The following NT5E variants were observed in gnomAD, a reference collection of about 807,000 sequenced individuals.
NT5E encodes 5'-nucleotidase.
NT5E carries 53 observed loss-of-function variants against 55.1 expected under a neutral mutation model. The observed-to-expected ratio is 0.96, with a 90% CI of 0.77 to 1.21. The LOEUF is 1.21. Ranked by LOEUF, NT5E falls within the 50% of genes most tolerant of loss-of-function variation. The probability of loss-of-function intolerance (pLI) is 0.00; values close to 1 mark genes in which losing one functional copy is unlikely to be tolerated. For missense variants in NT5E, 683 were observed against 724.3 expected (o/e 0.94, Z 0.65); for synonymous variants, 270 against 278.4 (o/e 0.97, Z 0.30).
rs752347352 is a variant in NT5E, at chr6:85,471,464, A to G, written c.751+39A>G. 16 of 1,573,336 alleles carry G rather than the reference A, an allele frequency of 1.0e-5. No individual in the cohort carries two copies. In the Admixed American group the frequency reaches 2.4e-4, roughly 23 times the overall value. ...AAGGATTGCATGGGCCAGGATGTCC[A>G]GATAAGCACTGTGTCTCTTTTGCCT... On this transcript the variant is annotated intron_variant, in intron 3 of 8. Transcript: ENST00000257770.
intron 1 of NT5E, among the ~76,000 whole-genome samples, chr6:85,457,125 A>G (rs1373614002): frequency 1.3e-5 from 2 of 152,188 alleles, no homozygotes; most frequent in Admixed American, 1.3e-4. Context: ...GCTTCCACAC[A>G]GAGGCTGGAT....
chr6:85,474,880 G>T (rs1425654885), intron 3 of NT5E, among the ~76,000 whole-genome samples: 1 of 152,182 alleles, frequency 6.6e-6, no homozygotes, highest in Non-Finnish European at 1.5e-5. Context: ...GATGCAGTGA[G>T]CTATGATCAC....
At chr6:85,468,359 C>A (rs1050664195) in intron 2 of NT5E, among the ~76,000 whole-genome samples, 1 of 152,052 alleles carries the variant, frequency 6.6e-6, no homozygotes, top group Non-Finnish European at 1.5e-5. Context: ...GCTAAAGAAC[C>A]CCCCAACCCC....
intron 2 of NT5E, among the ~76,000 whole-genome samples, chr6:85,468,983 G>A (rs959598674): frequency 2.6e-5 from 4 of 152,216 alleles, no homozygotes; most frequent in Admixed American, 2.6e-4. Flanking sequence ...GTTTCCAGGA[G>A]CACTGCTTCT....
chr6:85,460,061 A>C (rs1769064372), intron 1 of NT5E, among the ~76,000 whole-genome samples: 1 of 152,236 alleles, frequency 6.6e-6, no homozygotes, highest in South Asian at 2.1e-4. Context: ...AAATTACTTC[A>C]GGTAATTATG....
rs1412792096 is a variant in NT5E at position 85,492,095 on chromosome 6, T to C, written c.1479T>C (p.Tyr493=). Residue 493 remains tyrosine (Y), a synonymous_variant, in exon 8 of 9, where the codon TAT becomes TAC. Transcript: ENST00000257770. ...ACCCTCTCAAAATGGACGAGGTATA[T>C]AAGGTGATCCTCCCAAACTTCCTGG... ...SYDPLKMDEV[Y]KVILPNFLAN... is the part of the protein sequence containing the mutation. 1.9e-6 allele frequency: 3 copies of C among 1,614,166 alleles called. No individual in the cohort carries two copies. The highest frequency in any genetic ancestry group is 1.7e-5 in the Admixed American group (1 of 60,016).
intron 1 of NT5E, among the ~76,000 whole-genome samples, chr6:85,456,912 G>A (rs1342949427): frequency 2.0e-5 from 3 of 152,204 alleles, no homozygotes; most frequent in African/African-American, 7.2e-5. Context: ...TGTGAGGTAT[G>A]TGATTGTTGT....
Position 85,456,401 on chromosome 6 carries a change from G to C in NT5E, c.339+5923G>C, listed in dbSNP as rs187117586. 3.1e-4 allele frequency among the ~76,000 whole-genome samples: 47 copies of C among 152,312 alleles called. No individual in the cohort carries two copies. The East Asian group carries it at 8.1e-3, about 26-fold the overall frequency. On this transcript the variant is annotated intron_variant, in intron 1 of 8. Coordinates refer to ENST00000257770, the MANE Select transcript of NT5E (RefSeq NM_002526.4). ...GGGAACCTCCAATTTATAACTAGTT[G>C]GTTGGGAATACAGGTGGCCCAGGAC... is the stretch of plus-strand genomic sequence containing the variant.
At chr6:85,491,074 A>G (rs764440984) in intron 7 of NT5E, 1 of 531,046 alleles carries the variant, frequency 1.9e-6, no homozygotes, top group Non-Finnish European at 3.9e-6. Context: ...AACCAGGATG[A>G]TTCCTGGAAG....
intron 7 of NT5E, among the ~76,000 whole-genome samples, chr6:85,490,862 G>A (rs1474903363): frequency 6.6e-6 from 1 of 152,186 alleles, no homozygotes; most frequent in Non-Finnish European, 1.5e-5. Flanking sequence ...AAGCCCCAAA[G>A]CCCTGGCAAT....
intron 1 of NT5E, among the ~76,000 whole-genome samples, chr6:85,453,789 C>T (rs1045134564): frequency 6.6e-6 from 1 of 152,212 alleles, no homozygotes; most frequent in Non-Finnish European, 1.5e-5. Flanking sequence ...ATGGCCCCCG[C>T]CTTTAACTCA....
chr6:85,451,868 C>T (rs1002402653), intron 1 of NT5E, among the ~76,000 whole-genome samples: 2 of 152,164 alleles, frequency 1.3e-5, no homozygotes, highest in East Asian at 3.9e-4. Flanking sequence ...TTTTAAAGGT[C>T]CCTCCCCAAC....
At chr6:85,474,858 G>A (rs1769393947) in intron 3 of NT5E, among the ~76,000 whole-genome samples, 2 of 152,096 alleles carry the variant, frequency 1.3e-5, no homozygotes, top group Non-Finnish European at 2.9e-5. Context: ...TGCTTGAATC[G>A]GGGAGGTTGA....
At chr6:85,477,385 C>CA (rs1769459287) in intron 3 of NT5E, among the ~76,000 whole-genome samples, 2 of 152,068 alleles carry the variant, frequency 1.3e-5, no homozygotes, top group South Asian at 4.2e-4. Context: ...TGGATTTAGG[C>CA]ACACATATTG....
chr6:85,454,900 A>G (rs2127753823), intron 1 of NT5E, among the ~76,000 whole-genome samples: 1 of 152,302 alleles, frequency 6.6e-6, no homozygotes, highest in East Asian at 1.9e-4. Context: ...GAGGTCCCAT[A>G]CATATTTGAA....
At chr6:85,477,928 G>A (rs1163911030) in intron 3 of NT5E, among the ~76,000 whole-genome samples, 1 of 151,830 alleles carries the variant, frequency 6.6e-6, no homozygotes, top group Non-Finnish European at 1.5e-5. Flanking sequence ...TTGGGAGGCT[G>A]AGGCAGGAGC....
At chr6:85,481,499 G>A (rs1769550860) in intron 3 of NT5E, among the ~76,000 whole-genome samples, 3 of 152,202 alleles carry the variant, frequency 2.0e-5, no homozygotes, top group Admixed American at 2.0e-4. Flanking sequence ...TTCACTTGCT[G>A]CATTAACTTC....
At chr6:85,485,083 C>A (rs192434218) in intron 3 of NT5E, 152 bp from the exon 4 acceptor site, 3 of 735,380 alleles carry the variant, frequency 4.1e-6, no homozygotes, top group Non-Finnish European at 7.0e-6. Flanking sequence ...TGGGCAAATG[C>A]CCAGATAGGG....
chr6:85,489,690 C>G, intron 6 of NT5E, 91 bp downstream of exon 6: 1 of 886,944 alleles, frequency 1.1e-6, no homozygotes, highest in Non-Finnish European at 1.8e-6. Context: ...CACCCATGTG[C>G]AGCCTCAGTT....
Sources: allele counts gnomAD v4.1 joint callset (sites outside exome capture counted in the v4.1 genomes callset), GRCh38; gene constraint gnomAD v4.1.1; transcripts MANE v1.5; gene names NCBI Gene and HGNC (gene_info 2026-07-23, HGNC 2026-07-21).